Variants in LRGUK observed in about 807,000 individuals in gnomAD.
LRGUK encodes leucine-rich repeat and guanylate kinase domain-containing protein.
Under a neutral mutation model 76.0 loss-of-function variants are expected in LRGUK, and 65 were observed. The observed-to-expected ratio is 0.85, with a 90% CI of 0.70 to 1.05. LRGUK has a LOEUF of 1.05. LRGUK is among the 50% of genes least tolerant of loss of function. The probability of loss-of-function intolerance (pLI) is 0.00; values close to 1 mark genes in which losing one functional copy is unlikely to be tolerated. For missense variants in LRGUK, 758 were observed against 732.8 expected, an observed-to-expected ratio of 1.03 and a Z score of -0.40; for synonymous variants, 268 against 265.6, an observed-to-expected ratio of 1.01 and a Z score of -0.09.
chr7:134,231,803 ACTT>A lies in LRGUK; in HGVS notation c.1983+9889_1983+9891del, dbSNP rs1293301128. ...CCGTCCCTCCCTTCCTCCCTTCTTT[ACTT>A]CTTATCTTCCTTTTCCCTGCCTTCT... is the stretch of plus-strand genomic sequence containing the variant. On this transcript the variant is annotated intron_variant, in intron 16 of 19. Transcript: ENST00000285928. 1.9e-4 allele frequency among the ~76,000 whole-genome samples: 22 copies of A among 112,922 alleles called. 1 individual carries two copies. In the East Asian group the frequency reaches 5.0e-3, roughly 25 times the overall value. 74.1% of individuals were successfully genotyped at this position (112,922 alleles called of 152,430 possible).
intron 2 of LRGUK, among the ~76,000 whole-genome samples, chr7:134,138,439 T>A (rs1486583547): frequency 6.6e-6 from 1 of 152,216 alleles, no homozygotes; most frequent in Non-Finnish European, 1.5e-5. Context: ...TGTTACATGT[T>A]ATTTTTTTTA....
chr7:134,166,832 C>G (rs1466521220), intron 7 of LRGUK, among the ~76,000 whole-genome samples: 1 of 152,118 alleles, frequency 6.6e-6, no homozygotes, highest in African/African-American at 2.4e-5. Flanking sequence ...ATTTAATGTC[C>G]CCGGCAAGCA....
intron 16 of LRGUK, among the ~76,000 whole-genome samples, chr7:134,245,951 A>G (rs1260647379): frequency 1.3e-5 from 2 of 152,132 alleles, no homozygotes; most frequent in African/African-American, 4.8e-5. Flanking sequence ...TTCTTCTCTC[A>G]TTACATCCTC....
At chr7:134,233,020 G>A (rs958383592) in intron 16 of LRGUK, among the ~76,000 whole-genome samples, 38 of 152,090 alleles carry the variant, frequency 2.5e-4, no homozygotes, top group Non-Finnish European at 5.9e-5. Context: ...AAAAAAAAGT[G>A]CACAGCTCTT....
At chr7:134,256,140 C>T (rs2117221389) in intron 18 of LRGUK, among the ~76,000 whole-genome samples, 1 of 152,182 alleles carries the variant, frequency 6.6e-6, no homozygotes, top group African/African-American at 2.4e-5. Flanking sequence ...TTATCCTATT[C>T]CCACCCCCGA....
At chr7:134,129,268 CCCTT>C (rs1797176440) in intron 1 of LRGUK, among the ~76,000 whole-genome samples, 1 of 134,724 alleles carries the variant, frequency 7.4e-6, no homozygotes, top group African/African-American at 2.8e-5. Flanking sequence ...CTCCCTCCCT[CCCTT>C]CCTCCCTCCC....
intron 1 of LRGUK, among the ~76,000 whole-genome samples, chr7:134,131,176 G>C (rs1585406717): frequency 6.6e-6 from 1 of 151,890 alleles, no homozygotes; most frequent in South Asian, 2.1e-4. Flanking sequence ...CCTTTATATG[G>C]GTAATAATAC....
chr7:134,163,479 G>A (rs1433437014), exon 7 of LRGUK: 7 of 1,613,804 alleles, frequency 4.3e-6, no homozygotes, highest in Non-Finnish European at 5.9e-6. Flanking sequence ...AATCAGATAA[G>A]CAGCCTCCAA....
At chr7:134,171,255 A>T (rs992949658) in intron 7 of LRGUK, among the ~76,000 whole-genome samples, 1 of 151,856 alleles carries the variant, frequency 6.6e-6, no homozygotes, top group Non-Finnish European at 1.5e-5. Flanking sequence ...TTATTCCAGT[A>T]TACACTTACC....
exon 14 of LRGUK, chr7:134,199,309 G>A (rs1800649789): frequency 1.2e-6 from 2 of 1,613,738 alleles, no homozygotes; most frequent in Middle Eastern, 1.6e-4. Flanking sequence ...GATATTTGCG[G>A]AGAAAAGGAT....
chr7:134,276,022 T>G, the LRGUK span, among the ~76,000 whole-genome samples: 1 of 152,218 alleles, frequency 6.6e-6, no homozygotes, highest in African/African-American at 2.4e-5. Context: ...TCAAGACTCA[T>G]GGTGACCCTA....
At chr7:134,256,480 A>G (rs1802588220) in intron 18 of LRGUK, among the ~76,000 whole-genome samples, 2 of 150,592 alleles carry the variant, frequency 1.3e-5, no homozygotes, top group African/African-American at 4.9e-5. Flanking sequence ...AAAAAAAAAA[A>G]GTCCACTCCT....
At chr7:134,248,151 A>G (rs1165353021) in intron 17 of LRGUK, among the ~76,000 whole-genome samples, 2 of 152,134 alleles carry the variant, frequency 1.3e-5, no homozygotes, top group Non-Finnish European at 1.5e-5. Flanking sequence ...GATATATGCA[A>G]ATTTGTATGG....
chr7:134,179,199 G>A (rs548516777), intron 10 of LRGUK, among the ~76,000 whole-genome samples: 5 of 152,226 alleles, frequency 3.3e-5, no homozygotes, highest in South Asian at 2.1e-4. Context: ...CGCCCAGCTC[G>A]GTGGAACACA....
At chr7:134,204,125 G>A (rs1437333208) in intron 15 of LRGUK, among the ~76,000 whole-genome samples, 1 of 152,170 alleles carries the variant, frequency 6.6e-6, no homozygotes, top group Non-Finnish European at 1.5e-5. Context: ...TGAGAACAGT[G>A]TGTTTCTCAA....
intron 11 of LRGUK, among the ~76,000 whole-genome samples, chr7:134,185,018 G>A (rs1024388960): frequency 1.3e-5 from 2 of 152,246 alleles, no homozygotes; most frequent in South Asian, 2.1e-4. Flanking sequence ...TCTCTGACAG[G>A]TCTTCCTCTT....
intron 7 of LRGUK, among the ~76,000 whole-genome samples, chr7:134,165,492 C>T (rs1041789841): frequency 6.6e-6 from 1 of 152,150 alleles, no homozygotes; most frequent in Non-Finnish European, 1.5e-5. Context: ...CGAAACATCA[C>T]GTGAGCCACA....
chr7:134,163,642 C>A, intron 7 of LRGUK, 102 bp downstream of exon 7: 1 of 996,230 alleles, frequency 1.0e-6, no homozygotes, highest in East Asian at 2.7e-5. Context: ...AGGGCGGACA[C>A]ATTAAATGTC....
At chr7:134,216,773 A>G (rs1475704493) in intron 15 of LRGUK, among the ~76,000 whole-genome samples, 1 of 152,162 alleles carries the variant, frequency 6.6e-6, no homozygotes, top group Non-Finnish European at 1.5e-5. Flanking sequence ...ATATACCCTC[A>G]GTGTCCTAGG....
Sources: gnomAD v4.1 joint callset for allele counts (sites outside exome capture counted in the v4.1 genomes callset) on GRCh38, gnomAD v4.1.1 for gene constraint, MANE v1.5 for transcripts, NCBI Gene and HGNC (gene_info 2026-07-23, HGNC 2026-07-21) for gene names.